The following TMTC1 variants were observed in gnomAD, a reference collection of about 807,000 sequenced individuals.
TMTC1 encodes the protein protein O-mannosyl-transferase TMTC1.
In TMTC1, 73 loss-of-function variants were observed where a neutral mutation model predicts 104.8. The ratio of observed to expected loss-of-function variants is 0.70; its 90% CI spans 0.58 to 0.85. The LOEUF is 0.85. Ranked by LOEUF, TMTC1 falls within the 40% of genes least tolerant of loss-of-function variation. The pLI is 0.00. For synonymous variants in TMTC1, 434 were observed against 428.7 expected (o/e 1.01, Z -0.15); for missense variants, 1,035 against 1,096.1 (o/e 0.94, Z 0.79).
intron 9 of TMTC1, among the ~76,000 whole-genome samples, chr12:29,558,236 G>T (rs565293233): frequency 6.6e-6 from 1 of 152,192 alleles, no homozygotes; most frequent in South Asian, 2.1e-4. Flanking sequence ...TGAATAAGCC[G>T]GTAGAGCTGG....
At chr12:29,542,596 GGT>G (rs1221503894) in intron 10 of TMTC1, among the ~76,000 whole-genome samples, 1 of 152,178 alleles carries the variant, frequency 6.6e-6, no homozygotes, top group Non-Finnish European at 1.5e-5. Flanking sequence ...AGATTCAGCA[GGT>G]CTTGGTGGGG....
rs762495739 is a variant in TMTC1, at chr12:29,767,936, C to T, written c.442G>A (p.Ala148Thr). The T allele has an allele frequency of 6.2e-7, 1 of 1,613,818 alleles. No homozygotes were observed. Among genetic ancestry groups the T allele is most frequent in the East Asian group, 2.2e-5 (1 of 44,848 alleles). The stretch of plus-strand genomic sequence containing the variant: ...ATAGGATGTACAGCAAAAAGCAATG[C>T]CGTTACAAAAGCAAGTCCACGATTC... ...FKNRGLAFVTALLFAVHPIHT... is the reference protein window; with the variant it reads ...FKNRGLAFVTTLLFAVHPIHT... Residue 148 changes from alanine (A) to threonine (T), a missense_variant, in exon 2 of 18, where the codon GCA (alanine) becomes ACA (threonine). Physicochemically the swap from Ala to Thr is moderately conservative, Grantham distance 58 (BLOSUM62 0). Coordinates refer to ENST00000539277, the MANE Select transcript of TMTC1 (RefSeq NM_001193451.2).
intron 7 of TMTC1, among the ~76,000 whole-genome samples, chr12:29,593,094 G>A (rs1367459097): frequency 6.6e-6 from 1 of 152,130 alleles, no homozygotes; most frequent in Non-Finnish European, 1.5e-5. Flanking sequence ...AAGAGAGCTG[G>A]GCCCTTCTCT....
At chr12:29,539,247 G>A (rs1237608079) in intron 10 of TMTC1, among the ~76,000 whole-genome samples, 1 of 152,052 alleles carries the variant, frequency 6.6e-6, no homozygotes, top group African/African-American at 2.4e-5. Context: ...TGTTTCTGAT[G>A]TTAGTAGCAT....
At chr12:29,701,459 C>T (rs1941592911) in intron 5 of TMTC1, among the ~76,000 whole-genome samples, 1 of 152,160 alleles carries the variant, frequency 6.6e-6, no homozygotes, top group African/African-American at 2.4e-5. Context: ...TCAGCCTGCT[C>T]CAGAAACTGC....
At chr12:29,551,910 G>A (rs1945116334) in intron 10 of TMTC1, among the ~76,000 whole-genome samples, 1 of 151,808 alleles carries the variant, frequency 6.6e-6, no homozygotes, top group Non-Finnish European at 1.5e-5. Flanking sequence ...GTGCTGCACA[G>A]CATCATGACA....
Position 29,503,285 on chromosome 12 carries a change from A to C in TMTC1, c.*3561T>G, listed in dbSNP as rs181817973. 7.9e-5 allele frequency: 12 copies of C among 152,344 alleles called. No individual in the cohort carries two copies. In the East Asian group the frequency reaches 1.9e-3, roughly 24 times the overall value. 9.4% of individuals were successfully genotyped at this position (152,344 alleles called of 1,614,324 possible). A position where few individuals can be genotyped will look rare whatever the true frequency, so the allele number is the denominator to read the frequency against. The stretch of plus-strand genomic sequence containing the variant: ...GATATATCTCAGGATTCTCTATAAT[A>C]CAATTTCTTTTCCTCCAAGGCATTT... On this transcript the variant is annotated 3_prime_UTR_variant, in exon 18 of 18. Transcript: ENST00000539277.
chr12:29,570,941 A>T (rs773485198), intron 9 of TMTC1, among the ~76,000 whole-genome samples: 1 of 146,694 alleles, frequency 6.8e-6, no homozygotes, highest in Admixed American at 7.1e-5. Flanking sequence ...CATATTTGCC[A>T]TATTAAATAT....
intron 15 of TMTC1, among the ~76,000 whole-genome samples, chr12:29,516,043 A>G (rs1488458180): frequency 1.3e-5 from 2 of 152,036 alleles, no homozygotes; most frequent in Admixed American, 6.6e-5. Flanking sequence ...AATATATAAG[A>G]AGGAAAATAC....
chr12:29,599,191 GTT>G (rs1946488376), intron 7 of TMTC1, among the ~76,000 whole-genome samples: 1 of 152,066 alleles, frequency 6.6e-6, no homozygotes, highest in Non-Finnish European at 1.5e-5. Context: ...ATTTAATGTG[GTT>G]TTTATAAAAC....
chr12:29,629,765 T>C (rs1162323425), intron 6 of TMTC1, among the ~76,000 whole-genome samples: 1 of 152,200 alleles, frequency 6.6e-6, no homozygotes, highest in Non-Finnish European at 1.5e-5. Flanking sequence ...TGTATAACAC[T>C]GTAAATACAC....
chr12:29,707,698 C>G (rs1312897616), intron 5 of TMTC1, among the ~76,000 whole-genome samples: 3 of 152,180 alleles, frequency 2.0e-5, no homozygotes, highest in African/African-American at 4.8e-5. Flanking sequence ...CTTACTGATC[C>G]TGTTCTTCAA....
chr12:29,685,097 G>A (rs1035486500), intron 5 of TMTC1, among the ~76,000 whole-genome samples: 3 of 151,546 alleles, frequency 2.0e-5, no homozygotes, highest in South Asian at 2.1e-4. Flanking sequence ...CAGCTAAATC[G>A]CATTTACCGA....
At chr12:29,597,233 C>CTTTCTTTT (rs1565697536) in intron 7 of TMTC1, among the ~76,000 whole-genome samples, 7 of 131,342 alleles carry the variant, frequency 5.3e-5, no homozygotes, top group African/African-American at 2.6e-4. Flanking sequence ...TTCTTTCTTT[C>CTTTCTTTT]TTTTCTTTCT....
rs59108744 is a variant in TMTC1 at position 29,600,008 on chromosome 12, A to ATATATAT, written c.1250+4169_1250+4170insATATATA. 2.1e-4 allele frequency among the ~76,000 whole-genome samples: 25 copies of ATATATAT among 118,678 alleles called. 1 individual carries two copies. Among genetic ancestry groups the ATATATAT allele is most frequent in the African/African-American group, 8.8e-4 (23 of 26,084 alleles). The allele number at this position is 118,678 out of a possible 152,430, so 77.9% of individuals were successfully genotyped here. A position where few individuals can be genotyped will look rare whatever the true frequency, so the allele number is the denominator to read the frequency against. ...TGTGTATATACATATATATATATAT[A>ATATATAT]TTTTTTTTTTTTTTTCCCTCAAAAG... On this transcript the variant is annotated intron_variant, in intron 7 of 17. Transcript: ENST00000539277.
chr12:29,677,958 A>C (rs1940789034), intron 5 of TMTC1, among the ~76,000 whole-genome samples: 1 of 152,232 alleles, frequency 6.6e-6, no homozygotes, highest in Admixed American at 6.5e-5. Context: ...TATATAGGAA[A>C]AAACGTAGCA....
chr12:29,642,318 G>T (rs1938889301), intron 5 of TMTC1, among the ~76,000 whole-genome samples: 1 of 152,122 alleles, frequency 6.6e-6, no homozygotes, highest in Non-Finnish European at 1.5e-5. Context: ...GCGAAGAAAA[G>T]AATCTTAGGA....
At chr12:29,598,751 T>C (rs1024930768) in intron 7 of TMTC1, among the ~76,000 whole-genome samples, 1 of 152,240 alleles carries the variant, frequency 6.6e-6, no homozygotes. Flanking sequence ...ATGTGTAGAA[T>C]AGCTACTGAT....
At chr12:29,713,112 A>G (rs952980564) in intron 5 of TMTC1, among the ~76,000 whole-genome samples, 1 of 151,928 alleles carries the variant, frequency 6.6e-6, no homozygotes, top group African/African-American at 2.4e-5. Context: ...AGAAAAAAGG[A>G]ATTCCGTCTC....
Sources: gnomAD v4.1 joint callset for allele counts (sites outside exome capture counted in the v4.1 genomes callset) on GRCh38, gnomAD v4.1.1 for gene constraint, MANE v1.5 for transcripts, NCBI Gene and HGNC (gene_info 2026-07-23, HGNC 2026-07-21) for gene names.